The following KCNIP4 variants were observed in gnomAD, a reference collection of about 807,000 sequenced individuals.
The protein encoded by KCNIP4 is potassium voltage-gated channel interacting protein 4, also known as Kv channel-interacting protein 4.
In KCNIP4, 12 loss-of-function variants were observed where a neutral mutation model predicts 34.0. The ratio of observed to expected loss-of-function variants is 0.35; its 90% CI spans 0.23 to 0.57. The LOEUF is 0.57. Ranked by LOEUF, KCNIP4 falls within the 20% of genes least tolerant of loss-of-function variation. KCNIP4 has a pLI of 0.83. For missense variants in KCNIP4, 238 were observed against 311.7 expected (o/e 0.76, Z 1.78); for synonymous variants, 124 against 102.2 (o/e 1.21, Z -1.29).
chr4:20,815,261 T>C (rs577499570), intron 3 of KCNIP4, among the ~76,000 whole-genome samples: 5 of 152,312 alleles, frequency 3.3e-5, no homozygotes, highest in Non-Finnish European at 5.9e-5. Context: ...CACTATTGCA[T>C]TGATGTTCAA....
intron 1 of KCNIP4, among the ~76,000 whole-genome samples, chr4:20,947,462 C>T (rs1273608333): frequency 3.9e-5 from 6 of 152,296 alleles, no homozygotes; most frequent in African/African-American, 1.4e-4. Context: ...AGCCACCACA[C>T]CTGGCTGATA....
At chr4:21,414,101 A>C (rs1724742742) in intron 1 of KCNIP4, among the ~76,000 whole-genome samples, 1 of 152,150 alleles carries the variant, frequency 6.6e-6, no homozygotes, top group South Asian at 2.1e-4. Context: ...AAAATCTATA[A>C]GTAAATATAG....
At chr4:21,021,682 C>T (rs1435377322) in intron 1 of KCNIP4, among the ~76,000 whole-genome samples, 1 of 152,194 alleles carries the variant, frequency 6.6e-6, no homozygotes, top group East Asian at 1.9e-4. Context: ...ACATCTTGTC[C>T]TGCTGGAAGG....
intron 1 of KCNIP4, among the ~76,000 whole-genome samples, chr4:21,391,016 T>C (rs867860195): frequency 1.3e-5 from 2 of 152,182 alleles, no homozygotes; most frequent in Admixed American, 6.6e-5. Flanking sequence ...CTAGTGTGTG[T>C]GAAGTGGTAT....
chr4:21,329,466 AG>A (rs1356400002), intron 1 of KCNIP4, among the ~76,000 whole-genome samples: 4 of 152,232 alleles, frequency 2.6e-5, no homozygotes, highest in Non-Finnish European at 5.9e-5. Context: ...AGCTTGTGTT[AG>A]GTATCAGTAT....
At position 21,005,848 on chromosome 4, in the gene KCNIP4, CAG is replaced by C. The variant is rs374937648; in HGVS notation, c.62-123141_62-123140del. On this transcript the variant is annotated intron_variant, in intron 1 of 8. Transcript: ENST00000382152. ...TATTTAATTACAGCAGCATCTCTAC[CAG>C]AGAGTATTACGCAATTATTTTTATC... 4.7e-4 allele frequency among the ~76,000 whole-genome samples: 71 copies of C among 152,236 alleles called. No homozygotes were observed. The South Asian group carries it at 5.8e-3, about 12-fold the overall frequency.
chr4:21,268,052 T>G (rs1026125861), intron 1 of KCNIP4, among the ~76,000 whole-genome samples: 4 of 152,192 alleles, frequency 2.6e-5, no homozygotes, highest in African/African-American at 9.6e-5. Context: ...ATTCAGAGAT[T>G]CAACTTCTTC....
intron 1 of KCNIP4, among the ~76,000 whole-genome samples, chr4:21,101,725 A>C (rs1413966551): frequency 6.6e-6 from 1 of 152,134 alleles, no homozygotes; most frequent in Admixed American, 6.6e-5. Context: ...ATGGTATATA[A>C]ATTTTATTGC....
chr4:21,809,117 G>T (rs1841189), intron 1 of KCNIP4, among the ~76,000 whole-genome samples: 55,043 of 151,986 alleles, frequency 0.36, 11,394 homozygotes, highest in East Asian at 0.65. Context: ...GTCTGTGAGG[G>T]TGTTTCCAGA....
chr4:21,460,797 T>G (rs1442131717), intron 1 of KCNIP4, among the ~76,000 whole-genome samples: 2 of 151,770 alleles, frequency 1.3e-5, no homozygotes, highest in African/African-American at 4.8e-5. Context: ...CTGGGGGAGG[T>G]CTGGGCAGAT....
chr4:20,898,433 A>G (rs1560552699), intron 1 of KCNIP4, among the ~76,000 whole-genome samples: 1 of 152,152 alleles, frequency 6.6e-6, no homozygotes, highest in Admixed American at 6.5e-5. Context: ...ACCACTAACA[A>G]TGAATGAAGG....
chr4:21,007,288 A>G (rs1289664419), intron 1 of KCNIP4, among the ~76,000 whole-genome samples: 1 of 152,148 alleles, frequency 6.6e-6, no homozygotes, highest in Non-Finnish European at 1.5e-5. Context: ...TATATGGCGG[A>G]ACCTGTACAG....
intron 1 of KCNIP4, among the ~76,000 whole-genome samples, chr4:20,887,509 G>C (rs1412543416): frequency 6.6e-6 from 1 of 151,550 alleles, no homozygotes; most frequent in Non-Finnish European, 1.5e-5. Flanking sequence ...GAGAAGAAAA[G>C]GACCCGTACA....
chr4:21,188,910 A>G (rs902795012), intron 1 of KCNIP4, among the ~76,000 whole-genome samples: 4 of 152,330 alleles, frequency 2.6e-5, no homozygotes, highest in African/African-American at 4.8e-5. Flanking sequence ...TAGAACCTCA[A>G]AAAAGTTTGG....
intron 1 of KCNIP4, among the ~76,000 whole-genome samples, chr4:21,833,909 C>T (rs1204013186): frequency 8.6e-5 from 13 of 151,964 alleles, no homozygotes; most frequent in East Asian, 3.9e-4. Context: ...TGTAGATATG[C>T]GGCATTATTT....
rs146765146 is a variant in KCNIP4 at position 20,906,512 on chromosome 4, C to A, written c.62-23803G>T. On this transcript the variant is annotated intron_variant, in intron 1 of 8. Transcript: ENST00000382152. ...CTGCCTTGCCAGGAACTCCACTAGA[C>A]ATAAGAGATACAAGAGAGAGCAGTC... Among the ~76,000 whole-genome samples the A allele has an allele frequency of 1.9e-3, 289 of 152,294 alleles. 1 individual carries two copies. Among genetic ancestry groups the A allele is most frequent in the African/African-American group, 6.7e-3 (279 of 41,564 alleles).
In KCNIP4 at chr4:21,228,260, G is replaced by T. The variant is rs540492166; in HGVS notation, c.62-345551C>A. On this transcript the variant is annotated intron_variant, in intron 1 of 8. Transcript: ENST00000382152. The stretch of plus-strand genomic sequence containing the variant: ...CATGATAGTGAGTGAGTTCTTACAA[G>T]ATCTGATGGTTTAAAAATGTGTGGC... Among the ~76,000 whole-genome samples, 7 of 152,176 alleles carry T rather than the reference G, an allele frequency of 4.6e-5. No homozygotes were observed. In the South Asian group the frequency reaches 1.2e-3, roughly 27 times the overall value.
At chr4:21,209,466 C>T (rs1175244322) in intron 1 of KCNIP4, among the ~76,000 whole-genome samples, 1 of 152,066 alleles carries the variant, frequency 6.6e-6, no homozygotes, top group African/African-American at 2.4e-5. Context: ...GTGAGATTAA[C>T]TTATTTTAGC....
chr4:21,350,885 A>G (rs1408549984), intron 1 of KCNIP4, among the ~76,000 whole-genome samples: 5 of 152,200 alleles, frequency 3.3e-5, no homozygotes, highest in Non-Finnish European at 7.3e-5. Flanking sequence ...ATTCATTTTC[A>G]TACAACATGA....
Sources: gnomAD v4.1 joint callset for allele counts (sites outside exome capture counted in the v4.1 genomes callset) on GRCh38, gnomAD v4.1.1 for gene constraint, MANE v1.5 for transcripts, NCBI Gene and HGNC (gene_info 2026-07-23, HGNC 2026-07-21) for gene names.